The following DSCAM variants were observed in gnomAD, a reference collection of about 807,000 sequenced individuals.
DSCAM encodes the protein DS cell adhesion molecule.
In DSCAM, 47 loss-of-function variants were observed where a neutral mutation model predicts 217.7. The observed-to-expected ratio is 0.22, with a 90% CI of 0.17 to 0.28. The LOEUF is 0.28. Among genes scored for constraint, DSCAM ranks in the 10% least tolerant of loss-of-function variants. The pLI is 1.00. For synonymous variants in DSCAM, 1,056 were observed against 1,015.3 expected (o/e 1.04, Z -0.76); for missense variants, 2,080 against 2,618.3 (o/e 0.79, Z 4.49).
chr21:40,799,663 C>T (rs1046244954), intron 1 of DSCAM, among the ~76,000 whole-genome samples: 63 of 152,276 alleles, frequency 4.1e-4, no homozygotes, highest in African/African-American at 1.4e-3. Context: ...TTGTAAAGAC[C>T]TCTTGAATTC....
intron 1 of DSCAM, among the ~76,000 whole-genome samples, chr21:40,728,963 C>T (rs1190204532): frequency 2.0e-5 from 3 of 152,190 alleles, no homozygotes; most frequent in African/African-American, 4.8e-5. Context: ...TGCATCTACA[C>T]GTGGCAATAT....
At chr21:40,314,638 A>C (rs1474594599) in intron 8 of DSCAM, among the ~76,000 whole-genome samples, 1 of 152,224 alleles carries the variant, frequency 6.6e-6, no homozygotes, top group Non-Finnish European at 1.5e-5. Flanking sequence ...ATGCTTTATT[A>C]AAGAAAATAA....
intron 19 of DSCAM, 69 bp downstream of exon 19, chr21:40,133,785 G>GAGA (rs1176817276): frequency 6.6e-7 from 1 of 1,516,166 alleles, no homozygotes; most frequent in Non-Finnish European, 8.8e-7. Context: ...GCAGGGTAAA[G>GAGA]GCAAGTGAGC....
chr21:40,140,057 C>T (rs1407341071), intron 18 of DSCAM, among the ~76,000 whole-genome samples: 1 of 151,906 alleles, frequency 6.6e-6, no homozygotes, highest in Admixed American at 6.6e-5. Flanking sequence ...CAGTCACTTC[C>T]TGCTCAGTGT....
intron 3 of DSCAM, among the ~76,000 whole-genome samples, chr21:40,625,811 A>G (rs1019216011): frequency 1.1e-4 from 17 of 152,226 alleles, no homozygotes; most frequent in Admixed American, 7.8e-4. Flanking sequence ...AATTCCCTTT[A>G]GCTGGCATTC....
chr21:40,455,380 A>G (rs1259613533), intron 3 of DSCAM, among the ~76,000 whole-genome samples: 1 of 152,222 alleles, frequency 6.6e-6, no homozygotes, highest in Admixed American at 6.5e-5. Flanking sequence ...CTTGAAAGAA[A>G]AAAAGGGAAT....
At chr21:40,620,915 T>G (rs535637839) in intron 3 of DSCAM, among the ~76,000 whole-genome samples, 1 of 152,356 alleles carries the variant, frequency 6.6e-6, no homozygotes, top group South Asian at 2.1e-4. Context: ...CGACTCAGCG[T>G]GCACTGATGC....
chr21:40,806,457 A>C (rs574270773), intron 1 of DSCAM, among the ~76,000 whole-genome samples: 1 of 152,362 alleles, frequency 6.6e-6, no homozygotes, highest in South Asian at 2.1e-4. Context: ...TGCAATACAA[A>C]TATAGAGTTG....
chr21:40,468,937 A>C (rs1373729256), intron 3 of DSCAM, among the ~76,000 whole-genome samples: 1 of 152,144 alleles, frequency 6.6e-6, no homozygotes. Context: ...ATCATCCATA[A>C]AGAAATACAG....
At chr21:40,752,233 A>G (rs2837809) in intron 1 of DSCAM, among the ~76,000 whole-genome samples, 118,641 of 152,022 alleles carry the variant, frequency 0.78, 46,460 homozygotes, top group Admixed American at 0.82. Context: ...TCTGTCAAGA[A>G]TGGGTGCTTC....
At chr21:40,831,496 T>A (rs1435422570) in intron 1 of DSCAM, among the ~76,000 whole-genome samples, 2 of 152,246 alleles carry the variant, frequency 1.3e-5, no homozygotes, top group Non-Finnish European at 2.9e-5. Flanking sequence ...GGGTGTTTTT[T>A]CAGAAAAGCT....
At chr21:40,603,355 G>T (rs183075978) in intron 3 of DSCAM, among the ~76,000 whole-genome samples, 1 of 152,096 alleles carries the variant, frequency 6.6e-6, no homozygotes, top group Non-Finnish European at 1.5e-5. Flanking sequence ...TGATGGCATT[G>T]TTACATAGGT....
chr21:40,028,677 CGAGT>C (rs2088447136), intron 32 of DSCAM, among the ~76,000 whole-genome samples: 1 of 152,198 alleles, frequency 6.6e-6, no homozygotes, highest in South Asian at 2.1e-4. Context: ...TTGTGCTTCC[CGAGT>C]GAGGCAATGC....
intron 1 of DSCAM, among the ~76,000 whole-genome samples, chr21:40,751,915 C>A (rs2091233366): frequency 6.6e-6 from 1 of 152,142 alleles, no homozygotes; most frequent in African/African-American, 2.4e-5. Context: ...TAAATGACCC[C>A]ATCCCCATCT....
At chr21:40,604,303 A>G (rs1323225912) in intron 3 of DSCAM, among the ~76,000 whole-genome samples, 1 of 152,042 alleles carries the variant, frequency 6.6e-6, no homozygotes, top group Non-Finnish European at 1.5e-5. Context: ...TAGAGTTTCC[A>G]TTTCTGTGCT....
At chr21:40,577,653 C>T (rs1285573696) in intron 3 of DSCAM, among the ~76,000 whole-genome samples, 2 of 152,096 alleles carry the variant, frequency 1.3e-5, no homozygotes, top group East Asian at 3.9e-4. Flanking sequence ...TCTCTCGGCC[C>T]TGAAGAAGGG....
At chr21:40,290,575 C>T (rs36020579) in intron 10 of DSCAM, among the ~76,000 whole-genome samples, 76 of 152,218 alleles carry the variant, frequency 5.0e-4, no homozygotes, top group Non-Finnish European at 9.7e-4. Flanking sequence ...GAGCCAAGAT[C>T]GTGCCACTGC....
At chr21:40,741,661 G>A (rs2091125447) in intron 1 of DSCAM, among the ~76,000 whole-genome samples, 1 of 152,196 alleles carries the variant, frequency 6.6e-6, no homozygotes, top group Non-Finnish European at 1.5e-5. Flanking sequence ...TAGCTACCTG[G>A]CTGCACGGTA....
At chr21:40,482,516 C>A (rs1166425380) in intron 3 of DSCAM, among the ~76,000 whole-genome samples, 2 of 152,094 alleles carry the variant, frequency 1.3e-5, no homozygotes, top group African/African-American at 2.4e-5. Flanking sequence ...CATGGGTATA[C>A]TTTGAAAACA....
Sources: allele counts gnomAD v4.1 joint callset (sites outside exome capture counted in the v4.1 genomes callset), GRCh38; gene constraint gnomAD v4.1.1; transcripts MANE v1.5; gene names NCBI Gene and HGNC (gene_info 2026-07-23, HGNC 2026-07-21).